Variants in TMEM132B observed in about 807,000 individuals in gnomAD.
TMEM132B encodes transmembrane protein 132B.
In TMEM132B, 18 loss-of-function variants were observed where a neutral mutation model predicts 90.8. The ratio of observed to expected loss-of-function variants is 0.20; its 90% confidence interval spans 0.14 to 0.29. TMEM132B has a LOEUF of 0.29. Among genes scored for constraint, TMEM132B ranks in the 10% least tolerant of loss-of-function variants. TMEM132B has a pLI of 1.00. For missense variants in TMEM132B, 1,096 were observed against 1,326.8 expected (o/e 0.83, Z 2.70); for synonymous variants, 504 against 523.3 (o/e 0.96, Z 0.50).
intron 5 of TMEM132B, among the ~76,000 whole-genome samples, chr12:125,611,252 T>G (rs996368961): frequency 9.2e-5 from 14 of 152,130 alleles, no homozygotes; most frequent in Admixed American, 2.0e-4. Flanking sequence ...GAATGTCCCT[T>G]CTTTCATTAC....
chr12:125,286,158 G>C (rs943993463), intron 1 of TMEM132B, among the ~76,000 whole-genome samples: 1 of 152,216 alleles, frequency 6.6e-6, no homozygotes, highest in Non-Finnish European at 1.5e-5. Flanking sequence ...TTTGTTTGGC[G>C]GATGAGAAGA....
intron 1 of TMEM132B, among the ~76,000 whole-genome samples, chr12:125,206,270 A>G (rs146691695): frequency 0.01 from 1,585 of 152,150 alleles, 35 homozygotes; most frequent in African/African-American, 0.036. Flanking sequence ...ACAGAGTCTC[A>G]CTATGTAGCG....
At position 125,407,343 on chromosome 12, in the gene TMEM132B, A is replaced by C. The variant is rs1025201085; in HGVS notation, c.960-8188A>C. Among the ~76,000 whole-genome samples the C allele has an allele frequency of 1.9e-4, 29 of 152,232 alleles. 1 individual carries two copies. Among genetic ancestry groups the C allele is most frequent in the African/African-American group, 7.0e-4 (29 of 41,456 alleles). ...ACTATGTAGACAACCAAACAAACCCAAAACCCTGTAGAGTGGAGTATTTAG... is the reference window on the plus strand; with the variant it reads ...ACTATGTAGACAACCAAACAAACCCCAAACCCTGTAGAGTGGAGTATTTAG... On this transcript the variant is annotated intron_variant, in intron 2 of 8. Coordinates refer to ENST00000682704, the MANE Select transcript of TMEM132B (RefSeq NM_001366854.1). This position sits in a 1 kb window ranked among gnomAD's most constrained non-coding sequence, Gnocchi z 6.7.
At chr12:125,624,066 ACATT>A (rs1886173639) in intron 5 of TMEM132B, among the ~76,000 whole-genome samples, 1 of 152,236 alleles carries the variant, frequency 6.6e-6, no homozygotes, top group Non-Finnish European at 1.5e-5. Flanking sequence ...GGAGGCCTGG[ACATT>A]CAGTCAGTTA....
At chr12:125,651,731 A>G (rs1307200958) in intron 7 of TMEM132B, among the ~76,000 whole-genome samples, 1 of 152,168 alleles carries the variant, frequency 6.6e-6, no homozygotes, top group African/African-American at 2.4e-5. Context: ...GCTGAACTCC[A>G]GGTCTCGGCT....
intron 2 of TMEM132B, among the ~76,000 whole-genome samples, chr12:125,357,888 C>A (rs907992708): frequency 1.3e-5 from 2 of 152,238 alleles, no homozygotes; most frequent in African/African-American, 2.4e-5. Context: ...GAAGACAATG[C>A]AGCCTTAGTT....
intron 5 of TMEM132B, among the ~76,000 whole-genome samples, chr12:125,626,393 G>T (rs1566093317): frequency 6.6e-6 from 1 of 152,074 alleles, no homozygotes; most frequent in Non-Finnish European, 1.5e-5. Context: ...TTTCCTTTGG[G>T]AATATACCTA....
chr12:125,652,972 A>G (rs1886964565), intron 8 of TMEM132B, among the ~76,000 whole-genome samples: 1 of 152,192 alleles, frequency 6.6e-6, no homozygotes, highest in South Asian at 2.1e-4. Flanking sequence ...TGGAAATTCC[A>G]TTTCAGCTAC....
chr12:125,511,059 C>T (rs1882964263), intron 3 of TMEM132B, among the ~76,000 whole-genome samples: 2 of 152,176 alleles, frequency 1.3e-5, no homozygotes, highest in Non-Finnish European at 2.9e-5. Flanking sequence ...AGTCACTTCC[C>T]ATTCCCCCAC....
intron 4 of TMEM132B, among the ~76,000 whole-genome samples, chr12:125,566,906 C>T (rs970455762): frequency 2.0e-4 from 26 of 130,934 alleles, no homozygotes; most frequent in South Asian, 2.5e-4. Context: ...TGCAGTGGTG[C>T]GGTCTCAGCT....
At chr12:125,584,723 T>A (rs1885139293) in intron 5 of TMEM132B, 1 of 152,256 alleles carries the variant, frequency 6.6e-6, no homozygotes, top group African/African-American at 2.4e-5. Flanking sequence ...GAAAATATTT[T>A]TTTCATGCTC....
At chr12:125,435,029 G>A (rs1298455596) in intron 3 of TMEM132B, among the ~76,000 whole-genome samples, 1 of 152,180 alleles carries the variant, frequency 6.6e-6, no homozygotes. Context: ...GGGGGCTCAG[G>A]TGTCCTCTCA....
chr12:125,330,491 G>T (rs1182055474), intron 1 of TMEM132B, among the ~76,000 whole-genome samples: 1 of 151,130 alleles, frequency 6.6e-6, no homozygotes, highest in South Asian at 2.1e-4. Context: ...TACAAAGAAA[G>T]AAAAAAAATG....
chr12:125,427,363 A>G (rs1394260868), intron 3 of TMEM132B, among the ~76,000 whole-genome samples: 2 of 152,188 alleles, frequency 1.3e-5, no homozygotes, highest in Non-Finnish European at 2.9e-5. Context: ...TGGCTCCATT[A>G]TAGATGGGGA....
rs16919212 is a variant in TMEM132B at position 125,545,555 on chromosome 12, C to T, written c.1293+25930C>T. On this transcript the variant is annotated intron_variant, in intron 4 of 8. Coordinates refer to ENST00000682704, the MANE Select transcript of TMEM132B (RefSeq NM_001366854.1). ...CAGACACGAGATTTGGTGCTGACAC[C>T]GTCCTGTTTTAGCCGACCAGCATAT... 9.9e-3 allele frequency among the ~76,000 whole-genome samples: 1,512 copies of T among 152,268 alleles called. 26 individuals are homozygous for T. Among genetic ancestry groups the T allele is most frequent in the African/African-American group, 0.035 (1,448 of 41,532 alleles).
At chr12:125,348,981 T>A (rs1321895387) in intron 1 of TMEM132B, among the ~76,000 whole-genome samples, 1 of 152,220 alleles carries the variant, frequency 6.6e-6, no homozygotes, top group Non-Finnish European at 1.5e-5. Flanking sequence ...AGTAGAGATG[T>A]CATCATGTCC....
In TMEM132B at chr12:125,293,602, T is replaced by A. The variant is rs565248774; in HGVS notation, c.68-55850T>A. 1.1e-3 allele frequency among the ~76,000 whole-genome samples: 166 copies of A among 152,374 alleles called. 2 individuals are homozygous for A. Among genetic ancestry groups the A allele is most frequent in the African/African-American group, 3.8e-3 (157 of 41,586 alleles). On this transcript the variant is annotated intron_variant, in intron 1 of 8. Coordinates refer to ENST00000682704, the MANE Select transcript of TMEM132B (RefSeq NM_001366854.1). ...CTTAGGATAATGGCCTCTAGCTGCATCCATGTTGCTGCAAAGGACATGATT... is the reference window on the plus strand; with the variant it reads ...CTTAGGATAATGGCCTCTAGCTGCAACCATGTTGCTGCAAAGGACATGATT...
chr12:125,214,027 A>G (rs2136067806), intron 1 of TMEM132B, among the ~76,000 whole-genome samples: 1 of 152,340 alleles, frequency 6.6e-6, no homozygotes, highest in South Asian at 2.1e-4. Context: ...CTCTCAGTCT[A>G]CTGGGGGGAT....
intron 1 of TMEM132B, among the ~76,000 whole-genome samples, chr12:125,314,511 T>G (rs1876209139): frequency 6.6e-6 from 1 of 152,174 alleles, no homozygotes; most frequent in Non-Finnish European, 1.5e-5. Flanking sequence ...TTTCTTGTGC[T>G]GCATTGAGGA....
Sources: allele counts gnomAD v4.1 joint callset (sites outside exome capture counted in the v4.1 genomes callset), GRCh38; gene constraint gnomAD v4.1.1; non-coding constraint Gnocchi (gnomAD v3.1); transcripts MANE v1.5; gene names NCBI Gene and HGNC (gene_info 2026-07-23, HGNC 2026-07-21).